HPX: variants seen among roughly 807,000 people sequenced by gnomAD.
HPX encodes the protein hemopexin.
HPX carries 42 observed loss-of-function variants against 53.8 expected under a neutral mutation model. The ratio of observed to expected loss-of-function variants is 0.78; its 90% CI spans 0.61 to 1.01. HPX has a LOEUF of 1.01. HPX is among the 50% of genes least tolerant of loss of function. HPX has a pLI of 0.00. For missense variants in HPX, 547 were observed against 594.3 expected (o/e 0.92, Z 0.83); for synonymous variants, 229 against 221.1 (o/e 1.04, Z -0.32).
intron 5 of HPX, 116 bp from the exon 6 acceptor site, chr11:6,437,768 A>C (rs960662649): frequency 3.1e-5 from 23 of 741,652 alleles, no homozygotes; most frequent in Non-Finnish European, 3.7e-5. Context: ...GCTCACAGCC[A>C]TCAGAGAGAT....
chr11:6,437,672 A>G lies in HPX; in HGVS notation c.491-20T>C, dbSNP rs1449301104. 5.6e-6 allele frequency: 9 copies of G among 1,607,846 alleles called. No individual in the cohort carries two copies. Among genetic ancestry groups the G allele is most frequent in the Non-Finnish European group, 7.7e-6 (9 of 1,174,748 alleles). On this transcript the variant is annotated intron_variant, in intron 5 of 9. Transcript: ENST00000265983. ...GGTCACCTTTGTCCAATCAATCAAC[A>G]GGCATTTGGTGAGACCGGGTTACGC...
At chr11:6,435,497 C>G (rs1849405036) in intron 7 of HPX, among the ~76,000 whole-genome samples, 1 of 152,036 alleles carries the variant, frequency 6.6e-6, no homozygotes, top group Non-Finnish European at 1.5e-5. Context: ...CATGGTCTCA[C>G]TCTGTCACCC....
intron 1 of HPX, 61 bp from the exon 2 acceptor site, chr11:6,440,791 G>A (rs1457751499): frequency 6.3e-6 from 10 of 1,594,268 alleles, no homozygotes; most frequent in Non-Finnish European, 8.6e-6. Context: ...CATAGCCCCT[G>A]ACCCCAAATT....
chr11:6,432,345 T>C (rs1163431202), intron 7 of HPX: 4 of 325,296 alleles, frequency 1.2e-5, no homozygotes, highest in Non-Finnish European at 1.7e-5. Flanking sequence ...CGGTTATAGA[T>C]AATGAAATAC....
chr11:6,434,460 G>A (rs1316292833), intron 7 of HPX, among the ~76,000 whole-genome samples: 2 of 152,112 alleles, frequency 1.3e-5, no homozygotes, highest in Admixed American at 1.3e-4. Context: ...CTCCTGAACA[G>A]CTGGGACTAC....
At position 6,440,278 on chromosome 11, in the gene HPX, C is replaced by G; in HGVS notation, c.223G>C (p.Val75Leu). ...GTMLFFKGEF[V>L]WKSHKWDREL... ...CGGTCCCATTTGTGACTCTTCCACA[C>G]AAACTCCCCTGAAAAAACCCACACT... is the stretch of plus-strand genomic sequence containing the variant. The change falls in exon 4 of 10, where the codon GTG (valine) becomes CTG (leucine). Residue 75 changes from valine (V) to leucine (L), a missense_variant. Transcript: ENST00000265983. 6.2e-7 allele frequency: 1 copy of G among 1,613,942 alleles called. No individual in the cohort carries two copies. The highest frequency in any genetic ancestry group is 1.7e-5 in the Admixed American group (1 of 60,022).
At chr11:6,438,895 C>T (rs1185808212) in intron 4 of HPX, among the ~76,000 whole-genome samples, 4 of 152,158 alleles carry the variant, frequency 2.6e-5, no homozygotes, top group Non-Finnish European at 2.9e-5. Context: ...TGAATAACTA[C>T]TATATGCCAG....
At chr11:6,435,346 T>G (rs1212680390) in intron 7 of HPX, among the ~76,000 whole-genome samples, 3 of 151,886 alleles carry the variant, frequency 2.0e-5, no homozygotes, top group Non-Finnish European at 4.4e-5. Flanking sequence ...GGGGAGGGAC[T>G]GCCCCATGCT....
At position 6,440,530 on chromosome 11, in the gene HPX, A is replaced by T. The variant is rs1330727062; in HGVS notation, c.151T>A (p.Ser51Thr). The stretch of plus-strand genomic sequence containing the variant: ...GTAGCATCAAAGCTCCAGCCATCTG[A>T]GCAGCGTTCTGGGGTGGAGGTAGGG... ...KPDPDVTERC[S>T]DGWSFDATTL... Residue 51 changes from serine to threonine, a missense_variant, in exon 3 of 10, where the codon TCA (serine) becomes ACA (threonine). Physicochemically the swap from Ser to Thr is moderately conservative, Grantham distance 58 (BLOSUM62 1). Transcript: ENST00000265983. 1 of 1,451,896 alleles carries T rather than the reference A, an allele frequency of 6.9e-7. No individual in the cohort carries two copies. The highest frequency in any genetic ancestry group is 1.9e-5 in the Admixed American group (1 of 53,964). 89.9% of individuals were successfully genotyped at this position (1,451,896 alleles called of 1,614,324 possible). A position where few individuals can be genotyped will look rare whatever the true frequency, so the allele number is the denominator to read the frequency against.
intron 7 of HPX, 99 bp from the exon 8 acceptor site, chr11:6,432,116 T>G: frequency 7.3e-7 from 1 of 1,368,820 alleles, no homozygotes; most frequent in Non-Finnish European, 1.0e-6. Flanking sequence ...AGGGAGAGAA[T>G]GCATCCAGAG....
In HPX at chr11:6,431,335, C is replaced by T; in HGVS notation, c.1265G>A (p.Gly422Asp). 1.2e-6 allele frequency: 2 copies of T among 1,614,226 alleles called. No individual in the cohort carries two copies. Among genetic ancestry groups the T allele is most frequent in the South Asian group, 2.2e-5 (2 of 91,084 alleles). The change falls in exon 10 of 10, where the codon GGT (glycine) becomes GAT (aspartate). Residue 422 changes from glycine (G) to aspartate (D), a missense_variant. By Grantham distance (94) the Gly-to-Asp change is moderately conservative (BLOSUM62 -1). Transcript: ENST00000265983. Reference protein sequence around the residue: ...SLGPNSCSANGPGLYLIHGPN... With the variant: ...SLGPNSCSANDPGLYLIHGPN... ...ACCATGGATGAGGTACAAGCCGGGA[C>T]CATTGGCGGAACATGAGTTAGGGCC...
intron 7 of HPX, among the ~76,000 whole-genome samples, chr11:6,435,987 T>G (rs543814672): frequency 1.3e-5 from 2 of 152,314 alleles, no homozygotes; most frequent in East Asian, 3.9e-4. Context: ...GCATTTCACT[T>G]TGTCTGTGTG....
At chr11:6,440,005 C>T (rs2134138887) in intron 4 of HPX, 160 bp downstream of exon 4, 1 of 881,258 alleles carries the variant, frequency 1.1e-6, no homozygotes, top group Non-Finnish European at 1.8e-6. Flanking sequence ...CACACGCATG[C>T]ACACTCCCTT....
At chr11:6,439,243 G>A (rs763404231) in intron 4 of HPX, among the ~76,000 whole-genome samples, 18 of 152,200 alleles carry the variant, frequency 1.2e-4, no homozygotes, top group Non-Finnish European at 2.2e-4. Flanking sequence ...TCGTATGGCT[G>A]GCACACAGTG....
chr11:6,439,992 G>T, intron 4 of HPX, 173 bp downstream of exon 4: 1 of 753,926 alleles, frequency 1.3e-6, no homozygotes, highest in Non-Finnish European at 2.3e-6. Context: ...CACCTGCCAG[G>T]CCCACACGCA....
intron 7 of HPX, among the ~76,000 whole-genome samples, chr11:6,436,110 T>C (rs982533748): frequency 6.6e-6 from 1 of 152,244 alleles, no homozygotes; most frequent in Non-Finnish European, 1.5e-5. Context: ...GTGTGTTTCA[T>C]CTTAGCTGTA....
rs748988235 is a variant in HPX, at chr11:6,440,499, A to C, written c.182T>G (p.Leu61Arg). The change falls in exon 3 of 10, where the codon CTG becomes CGG. Residue 61 changes from leucine to arginine, a missense_variant. Coordinates refer to ENST00000265983, the MANE Select transcript of HPX (RefSeq NM_000613.3). ...SDGWSFDATTLDDNGTMLFFK... is the reference protein window; with the variant it reads ...SDGWSFDATTRDDNGTMLFFK... ...AAACAGCATGGTTCCATTGTCATCC[A>C]GGGTGGTAGCATCAAAGCTCCAGCC... is the stretch of plus-strand genomic sequence containing the variant. 3.2e-6 allele frequency: 5 copies of C among 1,574,820 alleles called. No homozygotes were observed. The highest frequency in any genetic ancestry group is 4.3e-6 in the Non-Finnish European group (5 of 1,160,272).
chr11:6,438,249 C>T, intron 5 of HPX, 107 bp downstream of exon 5: 4 of 1,189,664 alleles, frequency 3.4e-6, no homozygotes, highest in Non-Finnish European at 4.8e-6. Flanking sequence ...CCTTAAAAAG[C>T]CACATAGTGG....
Position 6,434,639 on chromosome 11 carries a change from C to G in HPX, c.835+2407G>C, listed in dbSNP as rs548983228. On this transcript the variant is annotated intron_variant, in intron 7 of 9. Coordinates refer to ENST00000265983, the MANE Select transcript of HPX (RefSeq NM_000613.3). ...AGCCACCACACCTGGCCCAGGGGCC[C>G]TATTTTGAGAACCAGAGCTATGCTG... Among the ~76,000 whole-genome samples the G allele has an allele frequency of 2.2e-4, 34 of 152,306 alleles. 1 individual carries two copies. The East Asian group carries it at 5.6e-3, about 25-fold the overall frequency.
Sources: gnomAD v4.1 joint callset for allele counts (sites outside exome capture counted in the v4.1 genomes callset) on GRCh38, gnomAD v4.1.1 for gene constraint, MANE v1.5 for transcripts, NCBI Gene and HGNC (gene_info 2026-07-23, HGNC 2026-07-21) for gene names.